MYLK: variants seen among roughly 807,000 people sequenced by gnomAD.
MYLK encodes the protein myosin light chain kinase, smooth muscle.
Under a neutral mutation model 203.4 loss-of-function variants are expected in MYLK, and 106 were observed. The ratio of observed to expected loss-of-function variants is 0.52; its 90% CI spans 0.45 to 0.61. MYLK has a LOEUF of 0.61. Ranked by LOEUF, MYLK falls within the 20% of genes least tolerant of loss-of-function variation. The probability of loss-of-function intolerance (pLI) is 0.00; values close to 1 mark genes in which losing one functional copy is unlikely to be tolerated. For missense variants in MYLK, 2,072 were observed against 2,442.3 expected (o/e 0.85, Z 3.20); for synonymous variants, 867 against 959.5 (o/e 0.90, Z 1.78).
chr3:123,713,577 CAATGTGTGTGTGTGT>C (rs1480700307), intron 13 of MYLK, among the ~76,000 whole-genome samples: 15 of 109,632 alleles, frequency 1.4e-4, no homozygotes, highest in Non-Finnish European at 1.9e-4. Context: ...AAGAGCAACA[CAATGTGTGTGTGTGT>C]GTGTGTGTGT....
chr3:123,773,746 C>A (rs2063963835), intron 4 of MYLK, among the ~76,000 whole-genome samples: 1 of 152,174 alleles, frequency 6.6e-6, no homozygotes, highest in African/African-American at 2.4e-5. Flanking sequence ...TAGCTGGTGC[C>A]CAGCAGGACA....
chr3:123,857,688 C>A (rs1239689476), intron 2 of MYLK, among the ~76,000 whole-genome samples: 3 of 151,198 alleles, frequency 2.0e-5, no homozygotes, highest in African/African-American at 7.3e-5. Context: ...GGGAGATATA[C>A]CTAATGCTAG....
At chr3:123,853,724 C>G (rs1412751143) in intron 2 of MYLK, among the ~76,000 whole-genome samples, 2 of 152,056 alleles carry the variant, frequency 1.3e-5, no homozygotes, top group South Asian at 2.1e-4. Context: ...TCATAGACTT[C>G]CAACCTGATG....
At chr3:123,704,836 C>T (rs2061396370) in intron 16 of MYLK, among the ~76,000 whole-genome samples, 1 of 151,524 alleles carries the variant, frequency 6.6e-6, no homozygotes, top group African/African-American at 2.4e-5. Flanking sequence ...AGGAGAATGG[C>T]GTGAACCCGG....
intron 2 of MYLK, among the ~76,000 whole-genome samples, chr3:123,860,460 T>G (rs1354281590): frequency 1.3e-5 from 2 of 152,128 alleles, no homozygotes; most frequent in Non-Finnish European, 2.9e-5. Context: ...AGACCCACCT[T>G]CTCTAGAGGA....
intron 2 of MYLK, among the ~76,000 whole-genome samples, chr3:123,855,807 T>C (rs894882376): frequency 1.3e-5 from 2 of 151,946 alleles, no homozygotes; most frequent in African/African-American, 2.4e-5. Context: ...CCAAAGCAAA[T>C]AGACCCCGAT....
chr3:123,765,682 C>T (rs931065501), intron 4 of MYLK, among the ~76,000 whole-genome samples: 2 of 152,094 alleles, frequency 1.3e-5, no homozygotes, highest in African/African-American at 2.4e-5. Flanking sequence ...TATATGTGTA[C>T]AATGGGATAT....
intron 20 of MYLK, among the ~76,000 whole-genome samples, chr3:123,671,762 A>G (rs1046073534): frequency 1.3e-5 from 2 of 152,186 alleles, no homozygotes; most frequent in African/African-American, 2.4e-5. Flanking sequence ...GCTAGGGCAC[A>G]GTGGAGAGAG....
At chr3:123,712,911 T>C (rs901834243) in intron 13 of MYLK, among the ~76,000 whole-genome samples, 1 of 152,262 alleles carries the variant, frequency 6.6e-6, no homozygotes, top group African/African-American at 2.4e-5. Flanking sequence ...TTGGGCTCAA[T>C]TACTCAATGG....
At chr3:123,699,749 C>G (rs527758429) in intron 18 of MYLK, among the ~76,000 whole-genome samples, 1 of 152,312 alleles carries the variant, frequency 6.6e-6, no homozygotes, top group East Asian at 1.9e-4. Flanking sequence ...AGATGGGTGC[C>G]GAGATGTGGG....
chr3:123,881,531 G>C (rs200045034), intron 1 of MYLK, among the ~76,000 whole-genome samples: 2 of 152,060 alleles, frequency 1.3e-5, no homozygotes, highest in East Asian at 3.9e-4. Context: ...CTTCCAAGTA[G>C]GCTTATATTT....
At chr3:123,655,242 AT>A (rs1385205443) in intron 24 of MYLK, among the ~76,000 whole-genome samples, 1 of 151,994 alleles carries the variant, frequency 6.6e-6, no homozygotes, top group Non-Finnish European at 1.5e-5. Context: ...TTTATTTAGC[AT>A]TGGATGCAGT....
intron 3 of MYLK, 96 bp from the exon 4 acceptor site, chr3:123,793,940 T>G: frequency 1.4e-6 from 2 of 1,388,340 alleles, no homozygotes. Flanking sequence ...GAGGTGTGGC[T>G]TTTACGTGGA....
At chr3:123,661,465 T>A (rs946230230) in intron 23 of MYLK, among the ~76,000 whole-genome samples, 1 of 152,064 alleles carries the variant, frequency 6.6e-6, no homozygotes, top group African/African-American at 2.4e-5. Flanking sequence ...GGGAGGAAAT[T>A]ATTCAAATAA....
chr3:123,688,031 C>T (rs1025491226), intron 19 of MYLK, among the ~76,000 whole-genome samples: 2 of 152,110 alleles, frequency 1.3e-5, no homozygotes, highest in African/African-American at 4.8e-5. Context: ...GGGACACCCC[C>T]ATCTCCTGGG....
chr3:123,712,465 C>T (rs1259413587), intron 13 of MYLK, among the ~76,000 whole-genome samples: 2 of 152,230 alleles, frequency 1.3e-5, no homozygotes, highest in East Asian at 1.9e-4. Context: ...CCAACTCCAG[C>T]GCACTCCCCT....
intron 5 of MYLK, among the ~76,000 whole-genome samples, chr3:123,749,615 G>A (rs2063135254): frequency 6.6e-6 from 1 of 152,182 alleles, no homozygotes; most frequent in Non-Finnish European, 1.5e-5. Flanking sequence ...CTCTCTTGCA[G>A]ATTTCCCTTT....
In MYLK at chr3:123,638,189, C is replaced by T. The variant is rs1185016724; in HGVS notation, c.4843G>A (p.Ala1615Thr). 5.0e-6 allele frequency: 8 copies of T among 1,613,726 alleles called. No individual in the cohort carries two copies. The Admixed American group carries it at 5.0e-5, about 10-fold the overall frequency. The change falls in exon 29 of 34, where the codon GCG (alanine) becomes ACG (threonine). Residue 1615 changes from alanine to threonine, a missense_variant. Ala to Thr is a moderately conservative substitution (Grantham distance 58). Transcript: ENST00000360304. ...CCAAAGAGGACCTTCAGAGACCCCG[C>T]ATTCTCTGAAACCAGGATGGAGAGG... The part of the protein sequence containing the change: ...DFGLARRLEN[A>T]GSLKVLFGTP...
At chr3:123,743,082 A>G (rs2062908288) in intron 5 of MYLK, among the ~76,000 whole-genome samples, 1 of 152,192 alleles carries the variant, frequency 6.6e-6, no homozygotes, top group African/African-American at 2.4e-5. Context: ...GTACTTAATG[A>G]CAATTGTACA....
Sources: allele counts gnomAD v4.1 joint callset (sites outside exome capture counted in the v4.1 genomes callset), GRCh38; gene constraint gnomAD v4.1.1; transcripts MANE v1.5; gene names NCBI Gene and HGNC (gene_info 2026-07-23, HGNC 2026-07-21).